IFT172: variants seen among roughly 807,000 people sequenced by gnomAD.
IFT172 encodes intraflagellar transport protein 172 homolog.
IFT172 carries 164 observed loss-of-function variants against 248.9 expected under a neutral mutation model. The observed-to-expected ratio is 0.66, with a 90% confidence interval of 0.58 to 0.75. IFT172 has a LOEUF of 0.75. IFT172 is among the 30% of genes least tolerant of loss of function. The pLI is 0.00. For synonymous variants in IFT172, 729 were observed against 791.6 expected (o/e 0.92, Z 1.33); for missense variants, 1,950 against 2,192.4 (o/e 0.89, Z 2.21).
rs777251238 is a variant in IFT172, at chr2:27,489,688, C to A, written c.-35G>T. 7 of 1,568,956 alleles carry A rather than the reference C, an allele frequency of 4.5e-6. No individual in the cohort carries two copies. The African/African-American group carries it at 9.5e-5, about 21-fold the overall frequency. On this transcript the variant is annotated 5_prime_UTR_variant, in exon 1 of 48. Transcript: ENST00000260570. ...CTGTCTTTCAGATGCTCCTAGACAG[C>A]GACAACTCCCGTGGTTACCTGGACA...
At chr2:27,461,884 A>C in intron 20 of IFT172, 48 bp from the exon 21 acceptor site, 2 of 1,607,506 alleles carry the variant, frequency 1.2e-6, no homozygotes. Flanking sequence ...AGATATGAGG[A>C]TCAGAAAGCA....
At position 27,449,682 on chromosome 2, in the gene IFT172, C is replaced by T; in HGVS notation, c.4160+9G>A. The T allele has an allele frequency of 1.2e-6, 2 of 1,610,706 alleles. No homozygotes were observed. Among genetic ancestry groups the T allele is most frequent in the Non-Finnish European group, 1.7e-6 (2 of 1,177,362 alleles). On this transcript the variant is annotated intron_variant, in intron 37 of 47. Transcript: ENST00000260570. The stretch of plus-strand genomic sequence containing the variant: ...AGAATTTCGCAGTAAGAAGGGGTTA[C>T]AAGCTTACCTGGGATCTAACTCCTT...
chr2:27,453,821 C>A, intron 33 of IFT172, 82 bp from the exon 34 acceptor site: 1 of 1,425,780 alleles, frequency 7.0e-7, no homozygotes, highest in Admixed American at 2.1e-5. Context: ...GGCCCACAGA[C>A]TCCTGGGTCC....
At chr2:27,447,335 G>A (rs1271962571) in intron 42 of IFT172, among the ~76,000 whole-genome samples, 180 bp downstream of exon 42, 1 of 152,220 alleles carries the variant, frequency 6.6e-6, no homozygotes, top group Non-Finnish European at 1.5e-5. Flanking sequence ...CCCTAAAAAG[G>A]TCGGAAGAAG....
rs375428293 is a variant in IFT172, at chr2:27,450,127, T to G, written c.3952-31A>C. 6.6e-6 allele frequency: 10 copies of G among 1,526,318 alleles called. No homozygotes were observed. In the African/African-American group the frequency reaches 1.4e-4, roughly 21 times the overall value. The allele number at this position is 1,526,318 out of a possible 1,614,324, so 94.5% of individuals were successfully genotyped here. A position where few individuals can be genotyped will look rare whatever the true frequency, so the allele number is the denominator to read the frequency against. On this transcript the variant is annotated intron_variant, in intron 35 of 47. Transcript: ENST00000260570. ...TGGTTGAACAGAAGATGGAAATGGGTAGGAGAGACAAATACCGCTGAGTCC... is the reference window on the plus strand; with the variant it reads ...TGGTTGAACAGAAGATGGAAATGGGGAGGAGAGACAAATACCGCTGAGTCC...
At chr2:27,461,707 G>A in intron 21 of IFT172, 52 bp downstream of exon 21, 1 of 1,610,376 alleles carries the variant, frequency 6.2e-7, no homozygotes, top group Non-Finnish European at 8.5e-7. Context: ...GGAGGTTTTT[G>A]AAATTGGCAG....
At chr2:27,467,418 GAAAAAAAA>G (rs34115935) in intron 16 of IFT172, among the ~76,000 whole-genome samples, 181 of 16,418 alleles carry the variant, frequency 0.011, no homozygotes, top group African/African-American at 0.041. Context: ...ACAGAAAATT[GAAAAAAAA>G]AAAAAAAAAA....
chr2:27,476,661 T>C lies in IFT172; in HGVS notation c.1391A>G (p.Asp464Gly). ...CTCACCTATAGCAATAGTCTTAATA[T>C]CAATAAGATAAGCCAATTTCTTATT... ...EDNKKLAYLI[D>G]IKTIAIVDLI... is the part of the protein sequence containing the mutation. The change falls in exon 14 of 48, where the codon GAT (aspartate) becomes GGT (glycine). Residue 464 changes from aspartate (D) to glycine (G), a missense_variant. Physicochemically the swap from Asp to Gly is moderately conservative, Grantham distance 94. Coordinates refer to ENST00000260570, the MANE Select transcript of IFT172 (RefSeq NM_015662.3). The C allele has an allele frequency of 6.3e-7, 1 of 1,593,140 alleles. No homozygotes were observed. The highest frequency in any genetic ancestry group is 8.6e-7 in the Non-Finnish European group (1 of 1,161,142).
chr2:27,471,711 T>G (rs1667585555), intron 15 of IFT172: 1 of 161,272 alleles, frequency 6.2e-6, no homozygotes, highest in African/African-American at 2.4e-5. Context: ...CTTGACTTTG[T>G]TGCCATAATA....
At chr2:27,470,053 T>C (rs1252411419) in intron 16 of IFT172, among the ~76,000 whole-genome samples, 1 of 150,734 alleles carries the variant, frequency 6.6e-6, no homozygotes, top group Non-Finnish European at 1.5e-5. Context: ...AAACCCAAAA[T>C]GTGGAGAAAA....
chr2:27,445,035 A>AT lies in IFT172; in HGVS notation c.5138dup (p.Asn1713LysfsTer2), dbSNP rs777086910. The AT allele has an allele frequency of 6.2e-7, 1 of 1,613,886 alleles. No homozygotes were observed. The highest frequency in any genetic ancestry group is 1.1e-5 in the South Asian group (1 of 91,060). ...TAACCTTGATGGCCATAAGGAATTT[A>AT]TTCCAGTTGTCCTTGTTAGCAGCCT... On this transcript the variant is annotated frameshift_variant, in exon 47 of 48. Coordinates refer to ENST00000260570, the MANE Select transcript of IFT172 (RefSeq NM_015662.3). LOFTEE classifies it high-confidence loss of function. The surrounding 1 kb of genome is among the most constrained non-coding windows in gnomAD (Gnocchi z 4.4).
intron 16 of IFT172, 111 bp downstream of exon 16, chr2:27,470,815 TCA>T (rs1667508148): frequency 1.9e-6 from 2 of 1,032,974 alleles, no homozygotes; most frequent in Non-Finnish European, 2.7e-6. Flanking sequence ...GCCAATTCTA[TCA>T]CAGAGATTAA....
intron 30 of IFT172, 120 bp downstream of exon 30, chr2:27,456,391 T>A: frequency 7.5e-7 from 1 of 1,337,564 alleles, no homozygotes; most frequent in Non-Finnish European, 1.0e-6. Context: ...AGTTAATTTA[T>A]TCATGCCACT....
intron 21 of IFT172, 39 bp downstream of exon 21, chr2:27,461,720 C>T (rs766862910): frequency 7.7e-5 from 125 of 1,613,106 alleles, no homozygotes; most frequent in Admixed American, 8.3e-5. Flanking sequence ...ATTGGCAGAA[C>T]CAAATTCTGA....
chr2:27,471,011 C>T lies in IFT172; in HGVS notation c.1609G>A (p.Val537Met), dbSNP rs868020223. The T allele has an allele frequency of 2.8e-5, 45 of 1,613,854 alleles. 1 individual carries two copies. The highest frequency in any genetic ancestry group is 1.9e-4 in the African/African-American group (14 of 74,898). The change falls in exon 16 of 48, where the codon GTG (valine) becomes ATG (methionine). Residue 537 changes from valine (V) to methionine (M), a missense_variant. Val to Met is a conservative substitution (Grantham distance 21). This residue lies in a region of IFT172 where 1,166 missense variants were observed against 1,254.1 expected (regional missense o/e 0.93). Transcript: ENST00000260570. The part of the protein sequence containing the change: ...SYMQWVPGSD[V>M]LVAQNRNSLC... ...CTGTTTCGGTTCTGAGCTACCAGCA[C>T]GTCACTTCCTGGGACCCACTGCATA...
chr2:27,450,949 CTG>C (rs1558359877), intron 35 of IFT172, among the ~76,000 whole-genome samples: 1 of 145,216 alleles, frequency 6.9e-6, no homozygotes, highest in Admixed American at 6.8e-5. Flanking sequence ...TTATTTTTAC[CTG>C]TTTTTTTTTT....
intron 1 of IFT172, among the ~76,000 whole-genome samples, chr2:27,488,616 C>T (rs1200837401): frequency 6.6e-6 from 1 of 152,112 alleles, no homozygotes; most frequent in Non-Finnish European, 1.5e-5. Flanking sequence ...ATGTCCTTTC[C>T]TCTTGTCTAT....
At position 27,445,001 on chromosome 2, in the gene IFT172, C is replaced by A; in HGVS notation, c.5160+13G>T. On this transcript the variant is annotated intron_variant, in intron 47 of 47. Coordinates refer to ENST00000260570, the MANE Select transcript of IFT172 (RefSeq NM_015662.3). The surrounding 1 kb of genome is among the most constrained non-coding windows in gnomAD (Gnocchi z 4.4). Reference sequence around the variant, plus strand: ...CCCTCTCTGCCTTCATTCTCCAAGTCCTCCTCTCTAACCTTGATGGCCATA... The same window carrying A: ...CCCTCTCTGCCTTCATTCTCCAAGTACTCCTCTCTAACCTTGATGGCCATA... 1.2e-6 allele frequency: 2 copies of A among 1,612,124 alleles called. No homozygotes were observed. Among genetic ancestry groups the A allele is most frequent in the South Asian group, 1.1e-5 (1 of 90,732 alleles).
chr2:27,444,862 T>C (rs1469160993), intron 47 of IFT172, 152 bp downstream of exon 47: 3 of 784,556 alleles, frequency 3.8e-6, no homozygotes, highest in Non-Finnish European at 6.0e-6. Flanking sequence ...TTGGCCAGGC[T>C]GGTCTCAAAC....
Sources: allele counts gnomAD v4.1 joint callset (sites outside exome capture counted in the v4.1 genomes callset), GRCh38; gene constraint gnomAD v4.1.1; regional missense constraint gnomAD v4.1.1; non-coding constraint Gnocchi (gnomAD v3.1); transcripts MANE v1.5; gene names NCBI Gene and HGNC (gene_info 2026-07-23, HGNC 2026-07-21).